The following FBXL15 variants were observed in gnomAD, a reference collection of about 807,000 sequenced individuals.
FBXL15 encodes F-box/LRR-repeat protein 15.
In FBXL15, 19 loss-of-function variants were observed where a neutral mutation model predicts 23.6. The observed-to-expected ratio is 0.81, with a 90% CI of 0.56 to 1.18. The LOEUF is 1.18. Ranked by LOEUF, FBXL15 falls within the 50% of genes most tolerant of loss-of-function variation. The pLI, the probability that FBXL15 is intolerant of heterozygous loss-of-function variation, is 0.00. For missense variants in FBXL15, 385 were observed against 425.4 expected (o/e 0.91, Z 0.83); for synonymous variants, 224 against 207.7 (o/e 1.08, Z -0.67).
At chr10:102,421,289 A>G in intron 1 of FBXL15, 65 bp from the exon 2 acceptor site, 1 of 1,558,294 alleles carries the variant, frequency 6.4e-7, no homozygotes, top group South Asian at 1.2e-5. Flanking sequence ...CAGGAACATA[A>G]CGGAGGCGGA....
At chr10:102,421,573 C>T (rs1400202549) in intron 2 of FBXL15, 66 bp downstream of exon 2, 1 of 1,435,838 alleles carries the variant, frequency 7.0e-7, no homozygotes, top group South Asian at 1.5e-5. Flanking sequence ...AGCCCCCAGC[C>T]CCGCAGTATG....
rs943203560 is a variant in FBXL15, at chr10:102,421,190, G to A, written c.53+8G>A. The A allele has an allele frequency of 4.4e-6, 7 of 1,607,644 alleles. No individual in the cohort carries two copies. In the African/African-American group the frequency reaches 6.7e-5, roughly 15 times the overall value. ...AGAGCCCGGAGCCGTCAGGTACCGA[G>A]CACCGGAGGGGCCGAGAGGGAAGAG... is the stretch of plus-strand genomic sequence containing the variant. On this transcript the variant is annotated splice_region_variant and intron_variant, in intron 1 of 3. Coordinates refer to ENST00000369956, the MANE Select transcript of FBXL15 (RefSeq NM_024326.4).
chr10:102,422,715 T>A, intron 3 of FBXL15, 89 bp from the exon 4 acceptor site: 1 of 1,392,486 alleles, frequency 7.2e-7, no homozygotes, highest in Non-Finnish European at 9.7e-7. Flanking sequence ...CCGGAGCCAG[T>A]CCGAGGCTGA....
At position 102,422,900 on chromosome 10, in the gene FBXL15, C is replaced by T. The variant is rs926825275; in HGVS notation, c.810C>T (p.Gly270=). 3 of 1,608,674 alleles carry T rather than the reference C, an allele frequency of 1.9e-6. No individual in the cohort carries two copies. The highest frequency in any genetic ancestry group is 1.7e-5 in the Admixed American group (1 of 59,514). ...ESSLSRLRKR[G]VDIDVEPPLH... ...GCCTGAGCCGCTTGCGGAAGCGCGG[C>T]GTGGACATCGACGTGGAGCCGCCGC... The change falls in exon 4 of 4, where the codon GGC becomes GGT. Residue 270 remains glycine, a synonymous_variant. Coordinates refer to ENST00000369956, the MANE Select transcript of FBXL15 (RefSeq NM_024326.4).
intron 2 of FBXL15, 98 bp from the exon 3 acceptor site, chr10:102,421,689 A>G (rs1250010662): frequency 4.8e-6 from 7 of 1,458,470 alleles, no homozygotes; most frequent in Non-Finnish European, 6.3e-6. Context: ...CTCTCCTGGG[A>G]GAGCAGGAGG....
rs1427263313 is a variant in FBXL15, at chr10:102,420,846, G to T, written c.-284G>T. ...TCCCACCACCACTTCGCTCAGAGGC[G>T]GCTACTGGCTCAAGAGGACGACAGA... On this transcript the variant is annotated 5_prime_UTR_variant, in exon 1 of 4. Transcript: ENST00000369956. 5 of 1,317,834 alleles carry T rather than the reference G, an allele frequency of 3.8e-6. No homozygotes were observed. The highest frequency in any genetic ancestry group is 4.9e-6 in the Non-Finnish European group (5 of 1,029,720). 81.6% of individuals were successfully genotyped at this position (1,317,834 alleles called of 1,614,324 possible). A position where few individuals can be genotyped will look rare whatever the true frequency, so the allele number is the denominator to read the frequency against.
chr10:102,421,252 T>G, intron 1 of FBXL15, 70 bp downstream of exon 1: 1 of 1,577,984 alleles, frequency 6.3e-7, no homozygotes, highest in Middle Eastern at 1.7e-4. Context: ...GGGCTGGGTC[T>G]GGGGGCCGCT....
In FBXL15 at chr10:102,421,378, C is replaced by T. The variant is rs1279539684; in HGVS notation, c.78C>T (p.Asp26=). Residue 26 remains aspartate, a synonymous_variant, in exon 2 of 4, where the codon GAC becomes GAT. Coordinates refer to ENST00000369956, the MANE Select transcript of FBXL15 (RefSeq NM_024326.4). ...AVRFLDLPWE[D]VLLPHVLNRV... ...GGTTCCTGGACCTGCCCTGGGAAGA[C>T]GTGCTGCTCCCACACGTCCTGAACC... is the stretch of plus-strand genomic sequence containing the variant. 1.3e-6 allele frequency: 2 copies of T among 1,562,620 alleles called. No homozygotes were observed. Among genetic ancestry groups the T allele is most frequent in the African/African-American group, 2.7e-5 (2 of 73,236 alleles).
intron 2 of FBXL15, 129 bp from the exon 3 acceptor site, chr10:102,421,658 G>A (rs1243945490): frequency 5.6e-6 from 8 of 1,433,558 alleles, no homozygotes; most frequent in African/African-American, 1.4e-5. Context: ...ACTCGGTAGC[G>A]ACTCAGAGGG....
At chr10:102,422,332 A>T (rs1015836053) in intron 3 of FBXL15, 40 bp downstream of exon 3, 1 of 1,477,762 alleles carries the variant, frequency 6.8e-7, no homozygotes, top group Non-Finnish European at 9.0e-7. Flanking sequence ...GCAGTCACTT[A>T]GCCTCTGCTG....
At chr10:102,422,489 G>A (rs2061575861) in intron 3 of FBXL15, among the ~76,000 whole-genome samples, 197 bp downstream of exon 3, 1 of 152,182 alleles carries the variant, frequency 6.6e-6, no homozygotes, top group Non-Finnish European at 1.5e-5. Flanking sequence ...TTCAACCAAT[G>A]TTTACACATT....
At position 102,421,870 on chromosome 10, in the gene FBXL15, T is replaced by A; in HGVS notation, c.291T>A (p.Cys97Ter). 1 of 1,604,018 alleles carries A rather than the reference T, an allele frequency of 6.2e-7. No homozygotes were observed. The highest frequency in any genetic ancestry group is 8.5e-7 in the Non-Finnish European group (1 of 1,178,636). Reference protein sequence around the residue: ...EGLQELALAPCHEWLSDEDLV... With the variant: ...EGLQELALAP ...TGCAGGAGCTGGCACTGGCGCCGTG[T>A]CACGAATGGCTGTCAGACGAGGACC... is the stretch of plus-strand genomic sequence containing the variant. The change falls in exon 3 of 4, where the codon TGT becomes TGA. Residue 97 changes from cysteine to a stop codon, truncating the protein, a stop_gained. Transcript: ENST00000369956. LOFTEE classifies it high-confidence loss of function.
intron 3 of FBXL15, among the ~76,000 whole-genome samples, chr10:102,422,512 A>G (rs1352190155): frequency 2.0e-5 from 3 of 152,206 alleles, no homozygotes; most frequent in Non-Finnish European, 4.4e-5. Flanking sequence ...GAGATTTCAC[A>G]TAGAAAGTCG....
At position 102,422,126 on chromosome 10, in the gene FBXL15, G is replaced by A; in HGVS notation, c.547G>A (p.Ala183Thr). ...LTACRQLKDE[A>T]IVYLAQRRGA... ...CGCCTGCCGCCAGCTCAAGGACGAG[G>A]CCATCGTGTACCTGGCGCAGAGGCG... Residue 183 changes from alanine (A) to threonine (T), a missense_variant, in exon 3 of 4, where the codon GCC becomes ACC. Ala to Thr is a moderately conservative substitution (Grantham distance 58). Around this residue, in one of 2 missense-constraint regions of FBXL15, gnomAD observed 255 missense variants for 330.2 expected, o/e 0.77. Coordinates refer to ENST00000369956, the MANE Select transcript of FBXL15 (RefSeq NM_024326.4). 1.3e-6 allele frequency: 2 copies of A among 1,559,500 alleles called. No individual in the cohort carries two copies. The highest frequency in any genetic ancestry group is 1.7e-6 in the Non-Finnish European group (2 of 1,152,912).
rs1180554783 is a variant in FBXL15 at position 102,421,891 on chromosome 10, G to A, written c.312G>A (p.Glu104=). The change falls in exon 3 of 4, where the codon GAG becomes GAA. Residue 104 remains glutamate, a synonymous_variant. Transcript: ENST00000369956. ...CGTGTCACGAATGGCTGTCAGACGA[G>A]GACCTGGTGCCGGTGCTGGCGCGGA... ...LAPCHEWLSD[E]DLVPVLARNP... is the part of the protein sequence containing the mutation. 3 of 1,606,036 alleles carry A rather than the reference G, an allele frequency of 1.9e-6. No individual in the cohort carries two copies. Among genetic ancestry groups the A allele is most frequent in the African/African-American group, 1.3e-5 (1 of 74,928 alleles).
chr10:102,421,864 G>A lies in FBXL15; in HGVS notation c.285G>A (p.Ala95=). 1.2e-6 allele frequency: 2 copies of A among 1,601,750 alleles called. No individual in the cohort carries two copies. Residue 95 remains alanine (A), a synonymous_variant, in exon 3 of 4, where the codon GCG becomes GCA. Coordinates refer to ENST00000369956, the MANE Select transcript of FBXL15 (RefSeq NM_024326.4). ...DAEGLQELAL[A]PCHEWLSDED... ...AGGGGCTGCAGGAGCTGGCACTGGC[G>A]CCGTGTCACGAATGGCTGTCAGACG...
chr10:102,421,039 T>C lies in FBXL15; in HGVS notation c.-91T>C. 1 of 1,551,820 alleles carries C rather than the reference T, an allele frequency of 6.4e-7. No individual in the cohort carries two copies. Among genetic ancestry groups the C allele is most frequent in the African/African-American group, 1.4e-5 (1 of 73,178 alleles). ...GTGAGACGGCACTCGATTAAATAGG[T>C]CTGTCTCTACAGGCCAAGGAGGCGG... On this transcript the variant is annotated 5_prime_UTR_variant, in exon 1 of 4. Coordinates refer to ENST00000369956, the MANE Select transcript of FBXL15 (RefSeq NM_024326.4).
Position 102,421,096 on chromosome 10 carries a change from G to GA in FBXL15, c.-30dup. On this transcript the variant is annotated 5_prime_UTR_variant, in exon 1 of 4. Transcript: ENST00000369956. ...TGCGGCCACTCCAAGGCCAAAGCGA[G>GA]AAAATCTTACTGCGCACGCGCAATA... 6.3e-7 allele frequency: 1 copy of GA among 1,594,040 alleles called. No individual in the cohort carries two copies. The highest frequency in any genetic ancestry group is 1.1e-5 in the South Asian group (1 of 88,290).
rs2135469273 is a variant in FBXL15 at position 102,422,838 on chromosome 10, C to G, written c.748C>G (p.Leu250Val). The change falls in exon 4 of 4, where the codon CTG becomes GTG. Residue 250 changes from leucine to valine, a missense_variant. Physicochemically the swap from Leu to Val is conservative, Grantham distance 32 (BLOSUM62 1). Coordinates refer to ENST00000369956, the MANE Select transcript of FBXL15 (RefSeq NM_024326.4). Reference protein sequence around the residue: ...LAEYCPVLRSLRVRHCHHVAE... With the variant: ...LAEYCPVLRSVRVRHCHHVAE... Reference sequence around the variant, plus strand: ...CGAGTACTGCCCCGTGCTGCGTTCGCTGCGGGTGCGGCACTGCCACCATGT... The same window carrying G: ...CGAGTACTGCCCCGTGCTGCGTTCGGTGCGGGTGCGGCACTGCCACCATGT... 1 of 1,609,402 alleles carries G rather than the reference C, an allele frequency of 6.2e-7. No individual in the cohort carries two copies. The highest frequency in any genetic ancestry group is 1.3e-5 in the African/African-American group (1 of 75,014).
Sources: allele counts gnomAD v4.1 joint callset (sites outside exome capture counted in the v4.1 genomes callset), GRCh38; gene constraint gnomAD v4.1.1; regional missense constraint gnomAD v4.1.1; transcripts MANE v1.5; gene names NCBI Gene and HGNC (gene_info 2026-07-23, HGNC 2026-07-21).